SEMA5A: variants seen among roughly 807,000 people sequenced by gnomAD.
SEMA5A encodes semaphorin-5A.
In SEMA5A, 55 loss-of-function variants were observed where a neutral mutation model predicts 135.5. That is an observed-to-expected ratio of 0.41 (90% CI 0.33 to 0.51). The LOEUF (loss-of-function observed/expected upper bound fraction) is 0.51. Among genes scored for constraint, SEMA5A ranks in the 20% least tolerant of loss-of-function variants. The probability of loss-of-function intolerance (pLI) is 0.37; values close to 1 mark genes in which losing one functional copy is unlikely to be tolerated. For missense variants in SEMA5A, 1,290 were observed against 1,419.9 expected (o/e 0.91, Z 1.47); for synonymous variants, 580 against 546.5 (o/e 1.06, Z -0.85).
intron 1 of SEMA5A, among the ~76,000 whole-genome samples, chr5:9,479,603 T>A (rs1759798269): frequency 6.6e-6 from 1 of 152,192 alleles, no homozygotes; most frequent in South Asian, 2.1e-4. Flanking sequence ...CTTAATACAA[T>A]CCAGAAACGG....
chr5:9,290,743 A>G (rs189109481), intron 5 of SEMA5A, among the ~76,000 whole-genome samples: 8 of 152,302 alleles, frequency 5.3e-5, no homozygotes, highest in Admixed American at 1.3e-4. Flanking sequence ...CAATTTTTCA[A>G]TATCTTAAAT....
Position 9,221,427 on chromosome 5 carries a change from C to G in SEMA5A, c.646+3247G>C, listed in dbSNP as rs371089213. Among the ~76,000 whole-genome samples the G allele has an allele frequency of 1.3e-3, 194 of 150,684 alleles. 1 individual carries two copies. The highest frequency in any genetic ancestry group is 4.4e-3 in the African/African-American group (180 of 41,202). ...ACACCATTCTCCTGCCTCAGCCTCCCGAGTAGCTGGGACTACAGGCGCCCA... is the reference window on the plus strand; with the variant it reads ...ACACCATTCTCCTGCCTCAGCCTCCGGAGTAGCTGGGACTACAGGCGCCCA... On this transcript the variant is annotated intron_variant, in intron 8 of 22. Coordinates refer to ENST00000382496, the MANE Select transcript of SEMA5A (RefSeq NM_003966.3).
At chr5:9,089,705 C>T (rs1738927567) in intron 16 of SEMA5A, among the ~76,000 whole-genome samples, 1 of 152,120 alleles carries the variant, frequency 6.6e-6, no homozygotes, top group Non-Finnish European at 1.5e-5. Flanking sequence ...GAATCCTAGG[C>T]TTTTTCTTGA....
chr5:9,361,096 C>G (rs180802302), intron 3 of SEMA5A, among the ~76,000 whole-genome samples: 2 of 152,060 alleles, frequency 1.3e-5, no homozygotes, highest in Non-Finnish European at 1.5e-5. Context: ...GTCAAGAGTT[C>G]GAGACCAGCC....
rs1554001601 is a variant in SEMA5A, at chr5:9,197,780, G to GTGTA, written c.933-478_933-477insTACA. Among the ~76,000 whole-genome samples, 247 of 104,006 alleles carry GTGTA rather than the reference G, an allele frequency of 2.4e-3. 11 individuals are homozygous for GTGTA. Among genetic ancestry groups the GTGTA allele is most frequent in the Admixed American group, 2.2e-3 (20 of 9,254 alleles). The allele number at this position is 104,006 out of a possible 152,430, so 68.2% of individuals were successfully genotyped here. ...TGTGTGTGTGTGTGTGTGTGTGTGT[G>GTGTA]TGTGTTTTAACCCAGATATTTGTTT... On this transcript the variant is annotated intron_variant, in intron 9 of 22. Coordinates refer to ENST00000382496, the MANE Select transcript of SEMA5A (RefSeq NM_003966.3).
chr5:9,536,863 G>A (rs1737797062), intron 1 of SEMA5A, among the ~76,000 whole-genome samples: 1 of 152,136 alleles, frequency 6.6e-6, no homozygotes, highest in Non-Finnish European at 1.5e-5. Flanking sequence ...AAGATATTCT[G>A]ATTTTAAACT....
intron 10 of SEMA5A, among the ~76,000 whole-genome samples, chr5:9,192,960 C>A (rs923836349): frequency 3.3e-5 from 5 of 151,940 alleles, no homozygotes; most frequent in Non-Finnish European, 7.4e-5. Flanking sequence ...AATTGGACAC[C>A]TAACAGGGAG....
intron 15 of SEMA5A, among the ~76,000 whole-genome samples, chr5:9,111,209 T>C (rs1315815822): frequency 6.6e-6 from 1 of 152,152 alleles, no homozygotes; most frequent in Non-Finnish European, 1.5e-5. Flanking sequence ...TCTAAGCTGA[T>C]TCACCAGCAT....
rs76672978 is a variant in SEMA5A at position 9,443,678 on chromosome 5, A to G, written c.-174-5826T>C. Among the ~76,000 whole-genome samples the G allele has an allele frequency of 3.4e-3, 523 of 152,300 alleles. 5 individuals carry two copies. Among genetic ancestry groups the G allele is most frequent in the African/African-American group, 0.012 (503 of 41,570 alleles). ...TACTTATTTCACAAAAGTTCTAAAT[A>G]CCATATATGGTTCTCACGCCTGCAT... On this transcript the variant is annotated intron_variant, in intron 1 of 22. Transcript: ENST00000382496.
chr5:9,216,190 T>A (rs190010857), intron 8 of SEMA5A, among the ~76,000 whole-genome samples: 3 of 152,220 alleles, frequency 2.0e-5, no homozygotes, highest in Admixed American at 1.3e-4. Context: ...GTATCTTTGT[T>A]CTCATTAGTT....
intron 17 of SEMA5A, among the ~76,000 whole-genome samples, chr5:9,065,454 A>C (rs1232998945): frequency 1.3e-5 from 2 of 152,202 alleles, no homozygotes; most frequent in Non-Finnish European, 2.9e-5. Context: ...GCTCGGTGGC[A>C]CTTGTCCAGG....
At chr5:9,140,089 C>G (rs1741981787) in intron 12 of SEMA5A, among the ~76,000 whole-genome samples, 1 of 152,140 alleles carries the variant, frequency 6.6e-6, no homozygotes, top group Non-Finnish European at 1.5e-5. Flanking sequence ...TCCCGTTATT[C>G]AAATGACATC....
intron 5 of SEMA5A, among the ~76,000 whole-genome samples, chr5:9,305,761 T>C (rs1024788399): frequency 5.5e-5 from 8 of 145,896 alleles, no homozygotes; most frequent in African/African-American, 2.1e-4. Context: ...CACACATATA[T>C]ACACATACAT....
chr5:9,272,454 C>T (rs534687818), intron 5 of SEMA5A, among the ~76,000 whole-genome samples: 1 of 152,124 alleles, frequency 6.6e-6, no homozygotes, highest in Non-Finnish European at 1.5e-5. Flanking sequence ...GCTGAAACAT[C>T]CCTGCCTGAT....
At chr5:9,352,209 G>A (rs1193911073) in intron 3 of SEMA5A, among the ~76,000 whole-genome samples, 2 of 152,030 alleles carry the variant, frequency 1.3e-5, no homozygotes, top group Non-Finnish European at 2.9e-5. Flanking sequence ...AAAGCAGCAT[G>A]CAGTCCTACA....
chr5:9,076,536 G>T (rs537905741), intron 16 of SEMA5A, among the ~76,000 whole-genome samples: 4 of 152,238 alleles, frequency 2.6e-5, no homozygotes, highest in African/African-American at 7.2e-5. Flanking sequence ...CATTGTACTT[G>T]GGTGGTGGAC....
intron 11 of SEMA5A, among the ~76,000 whole-genome samples, chr5:9,164,567 T>C (rs1258615944): frequency 1.3e-5 from 2 of 152,100 alleles, no homozygotes; most frequent in African/African-American, 2.4e-5. Flanking sequence ...ACCACCTTTA[T>C]ATGTAGTTCT....
chr5:9,258,803 CTTTTTT>C (rs748703578), intron 5 of SEMA5A, among the ~76,000 whole-genome samples: 25 of 48,990 alleles, frequency 5.1e-4, no homozygotes, highest in East Asian at 3.2e-3. Flanking sequence ...TTCTTTCTTT[CTTTTTT>C]TTTTTTTTTT....
intron 2 of SEMA5A, among the ~76,000 whole-genome samples, chr5:9,412,671 C>G (rs548241287): frequency 6.9e-6 from 1 of 145,908 alleles, no homozygotes; most frequent in East Asian, 2.0e-4. Flanking sequence ...CAAGTCTAAT[C>G]TTGAAATCTC....
Sources: gnomAD v4.1 joint callset for allele counts (sites outside exome capture counted in the v4.1 genomes callset) on GRCh38, gnomAD v4.1.1 for gene constraint, MANE v1.5 for transcripts, NCBI Gene and HGNC (gene_info 2026-07-23, HGNC 2026-07-21) for gene names.